The following PLCD3 variants were observed in gnomAD, a reference collection of about 807,000 sequenced individuals.
The protein encoded by PLCD3 is 1-phosphatidylinositol 4,5-bisphosphate phosphodiesterase delta-3.
Under a neutral mutation model 82.8 loss-of-function variants are expected in PLCD3, and 62 were observed. That is an observed-to-expected ratio of 0.75 (90% CI 0.61 to 0.93). PLCD3 has a LOEUF of 0.93. Ranked by LOEUF, PLCD3 falls within the 40% of genes least tolerant of loss-of-function variation. The probability of loss-of-function intolerance (pLI) is 0.00; values close to 1 mark genes in which losing one functional copy is unlikely to be tolerated. For missense variants in PLCD3, 1,023 were observed against 1,103.4 expected (o/e 0.93, Z 1.03); for synonymous variants, 478 against 471.8 (o/e 1.01, Z -0.17).
chr17:45,120,930 C>T lies in PLCD3; in HGVS notation c.526G>A (p.Ala176Thr), dbSNP rs1337728907. 9 of 1,456,502 alleles carry T rather than the reference C, an allele frequency of 6.2e-6. No individual in the cohort carries two copies. The highest frequency in any genetic ancestry group is 7.2e-6 in the Non-Finnish European group (8 of 1,111,982). 90.2% of individuals were successfully genotyped at this position (1,456,502 alleles called of 1,614,324 possible). ...TCTAGCCGCTCGCGCTGGCTCATGG[C>T]GTCCAGGCGCGCGCGGAGCTTGGTC... ...GLTKLRARLD[A>T]MSQRERLDHW... Residue 176 changes from alanine (A) to threonine (T), a missense_variant, in exon 3 of 15, where the codon GCC becomes ACC. This residue lies in a region of PLCD3 where 448 missense variants were observed against 406.3 expected (regional missense o/e 1.10). Transcript: ENST00000619929.
At chr17:45,115,050 C>T (rs1598027937) in intron 10 of PLCD3, 44 bp downstream of exon 10, 8 of 1,558,844 alleles carry the variant, frequency 5.1e-6, no homozygotes, top group Non-Finnish European at 6.9e-6. Flanking sequence ...TTCAGGAGGT[C>T]TCTCACCCTC....
At position 45,111,400 on chromosome 17, in the gene PLCD3, G is replaced by C. The variant is rs933375316; in HGVS notation, c.*1216C>G. 2.6e-5 allele frequency: 4 copies of C among 152,230 alleles called. No individual in the cohort carries two copies. Among genetic ancestry groups the C allele is most frequent in the African/African-American group, 9.8e-5 (4 of 40,972 alleles). 9.4% of individuals were successfully genotyped at this position (152,230 alleles called of 1,614,324 possible). A position where few individuals can be genotyped will look rare whatever the true frequency, so the allele number is the denominator to read the frequency against. On this transcript the variant is annotated 3_prime_UTR_variant, in exon 15 of 15. Coordinates refer to ENST00000619929, the MANE Select transcript of PLCD3 (RefSeq NM_133373.5). ...TGTGTGTGTGTGTGTGTGTGTGTGT[G>C]TGTTGTGGGGAGGCGCTGACCTGCT... is the stretch of plus-strand genomic sequence containing the variant.
At chr17:45,125,951 A>G (rs961074897) in intron 1 of PLCD3, among the ~76,000 whole-genome samples, 9 of 152,232 alleles carry the variant, frequency 5.9e-5, no homozygotes, top group Non-Finnish European at 1.0e-4. Flanking sequence ...GGCAACAGTA[A>G]TAGTTGCACA....
In PLCD3 at chr17:45,113,525, C is replaced by T. The variant is rs777313442; in HGVS notation, c.1909G>A (p.Val637Ile). ...RFLVNGQCGYVLKPACLRQPD... is the reference protein window; with the variant it reads ...RFLVNGQCGYILKPACLRQPD... ...TGCCGCAGGCAGGCAGGTTTTAGGA[C>T]GTAGCCACACTGCCCATTGACTAGG... Residue 637 changes from valine (V) to isoleucine (I), a missense_variant, in exon 12 of 15, where the codon GTC becomes ATC. This residue lies in a region of PLCD3 where 553 missense variants were observed against 655.7 expected (regional missense o/e 0.84). Transcript: ENST00000619929. 1.7e-5 allele frequency: 27 copies of T among 1,574,676 alleles called. No individual in the cohort carries two copies. Among genetic ancestry groups the T allele is most frequent in the Middle Eastern group, 1.7e-4 (1 of 6,042 alleles).
chr17:45,121,137 G>A lies in PLCD3; in HGVS notation c.326-7C>T, dbSNP rs1355949131. 2 of 1,520,482 alleles carry A rather than the reference G, an allele frequency of 1.3e-6. No individual in the cohort carries two copies. Among genetic ancestry groups the A allele is most frequent in the Admixed American group, 4.1e-5 (2 of 49,268 alleles). 94.2% of individuals were successfully genotyped at this position (1,520,482 alleles called of 1,614,324 possible). On this transcript the variant is annotated splice_polypyrimidine_tract_variant and splice_region_variant and intron_variant, in intron 2 of 14. Coordinates refer to ENST00000619929, the MANE Select transcript of PLCD3 (RefSeq NM_133373.5). ...TCGATGTGCTGCACGAAGACTGAGA[G>A]GAGGGCCGGGTCAGGGCGGAGGACC...
At chr17:45,131,334 C>A (rs867949989) in intron 1 of PLCD3, among the ~76,000 whole-genome samples, 5 of 152,218 alleles carry the variant, frequency 3.3e-5, no homozygotes, top group Non-Finnish European at 7.3e-5. Flanking sequence ...CTACCAATGG[C>A]AGGTCCAACG....
intron 8 of PLCD3, among the ~76,000 whole-genome samples, chr17:45,115,771 AAAG>A (rs1247405617): frequency 7.2e-5 from 11 of 152,370 alleles, no homozygotes; most frequent in Admixed American, 4.6e-4. Flanking sequence ...GACCCTCTTC[AAAG>A]AAGATCTTAC....
chr17:45,121,343 T>C lies in PLCD3; in HGVS notation c.193A>G (p.Met65Val). ...TTGCGGAGCCGGGAGCCCCGCAGCATGGCGCGCACGTCCTCGTCCTCCGTC... is the reference window on the plus strand; with the variant it reads ...TTGCGGAGCCGGGAGCCCCGCAGCACGGCGCGCACGTCCTCGTCCTCCGTC... ...GLTEDEDVRAMLRGSRLRKIR... is the reference protein window; with the variant it reads ...GLTEDEDVRAVLRGSRLRKIR... The change falls in exon 2 of 15, where the codon ATG (methionine) becomes GTG (valine). Residue 65 changes from methionine to valine, a missense_variant. Met to Val is a conservative substitution (Grantham distance 21, BLOSUM62 1). This residue lies in a region of PLCD3 where 448 missense variants were observed against 406.3 expected (regional missense o/e 1.10). Transcript: ENST00000619929. 6.5e-7 allele frequency: 1 copy of C among 1,545,904 alleles called. No individual in the cohort carries two copies. The highest frequency in any genetic ancestry group is 1.2e-5 in the South Asian group (1 of 84,486).
At chr17:45,119,070 G>T (rs753547945) in intron 4 of PLCD3, 27 bp from the exon 5 acceptor site, 11 of 1,559,434 alleles carry the variant, frequency 7.1e-6, no homozygotes, top group East Asian at 4.7e-5. Context: ...GAAGCTCAGA[G>T]GAGGCAGACA....
At chr17:45,126,398 G>T (rs377000375) in intron 1 of PLCD3, among the ~76,000 whole-genome samples, 2 of 124,720 alleles carry the variant, frequency 1.6e-5, no homozygotes, top group Admixed American at 1.0e-4. Flanking sequence ...CTGTTGCCCA[G>T]GCTGGAGTGC....
chr17:45,132,412 G>C lies in PLCD3; in HGVS notation c.-2C>G. The C allele has an allele frequency of 8.2e-7, 1 of 1,215,814 alleles. No homozygotes were observed. The highest frequency in any genetic ancestry group is 1.0e-6 in the Non-Finnish European group (1 of 977,790). The allele number at this position is 1,215,814 out of a possible 1,614,324, so 75.3% of individuals were successfully genotyped here. ...ACGCCTCCAGCGGCCGCACAGCATG[G>C]CTTGGCGGGGGGCCGGGGCCGGGCC... On this transcript the variant is annotated 5_prime_UTR_variant, in exon 1 of 15. Coordinates refer to ENST00000619929, the MANE Select transcript of PLCD3 (RefSeq NM_133373.5). The surrounding 1 kb of genome is among the most constrained non-coding windows in gnomAD (Gnocchi z 4.6).
At chr17:45,117,290 C>CG (rs2054298863) in intron 7 of PLCD3, among the ~76,000 whole-genome samples, 1 of 152,088 alleles carries the variant, frequency 6.6e-6, no homozygotes, top group African/African-American at 2.4e-5. Flanking sequence ...CTCCATCACC[C>CG]AGGCTGAAGT....
In PLCD3 at chr17:45,111,831, C is replaced by T. The variant is rs146108297; in HGVS notation, c.*785G>A. 2.9e-3 allele frequency: 437 copies of T among 152,504 alleles called. 11 individuals carry two copies. In the East Asian group the frequency reaches 0.045, roughly 16 times the overall value. 9.4% of individuals were successfully genotyped at this position (152,504 alleles called of 1,614,324 possible). On this transcript the variant is annotated 3_prime_UTR_variant, in exon 15 of 15. Transcript: ENST00000619929. ...CTTGAGGTCAGGAGCTCGAGACCAGCCTGGGCAACATAGGGAGACCCCCGC... is the reference window on the plus strand; with the variant it reads ...CTTGAGGTCAGGAGCTCGAGACCAGTCTGGGCAACATAGGGAGACCCCCGC...
intron 1 of PLCD3, among the ~76,000 whole-genome samples, chr17:45,122,939 G>C (rs1483302241): frequency 1.3e-5 from 2 of 152,106 alleles, no homozygotes; most frequent in Non-Finnish European, 2.9e-5. Context: ...AGTTTCCAGA[G>C]AACCGAATAT....
At chr17:45,128,364 C>T (rs1031885157) in intron 1 of PLCD3, among the ~76,000 whole-genome samples, 4 of 152,230 alleles carry the variant, frequency 2.6e-5, no homozygotes, top group Non-Finnish European at 5.9e-5. Context: ...AGGGGGACCA[C>T]AGGGCCTGGC....
chr17:45,116,005 C>A (rs903314828), intron 8 of PLCD3, among the ~76,000 whole-genome samples: 1 of 152,190 alleles, frequency 6.6e-6, no homozygotes, highest in African/African-American at 2.4e-5. Context: ...TTTTCTTTTA[C>A]CATACGGGTG....
chr17:45,118,967 G>A lies in PLCD3; in HGVS notation c.761C>T (p.Pro254Leu), dbSNP rs767261101. The change falls in exon 5 of 15, where the codon CCG (proline) becomes CTG (leucine). Residue 254 changes from proline (P) to leucine (L), a missense_variant. This residue lies in a region of PLCD3 where 448 missense variants were observed against 406.3 expected (regional missense o/e 1.10). Transcript: ENST00000619929. This position sits in a 1 kb window ranked among gnomAD's most constrained non-coding sequence, Gnocchi z 4.1. Reference sequence around the variant, plus strand: ...CTGATGGAAGATCTCCTCCAGCTCCGGCCGCTTCAGCAGCCGCCGCAGGAA... The same window carrying A: ...CTGATGGAAGATCTCCTCCAGCTCCAGCCGCTTCAGCAGCCGCCGCAGGAA... ...EEFLRRLLKRPELEEIFHQYS... is the reference protein window; with the variant it reads ...EEFLRRLLKRLELEEIFHQYS... The A allele has an allele frequency of 3.3e-5, 53 of 1,611,912 alleles. No homozygotes were observed. Among genetic ancestry groups the A allele is most frequent in the Non-Finnish European group, 4.5e-5 (53 of 1,179,562 alleles).
At position 45,113,156 on chromosome 17, in the gene PLCD3, A is replaced by C. The variant is rs1205245047; in HGVS notation, c.2097T>G (p.Cys699Trp). The C allele has an allele frequency of 6.2e-7, 1 of 1,613,158 alleles. No homozygotes were observed. The highest frequency in any genetic ancestry group is 8.5e-7 in the Non-Finnish European group (1 of 1,179,664). Residue 699 changes from cysteine to tryptophan, a missense_variant, in exon 13 of 15, where the codon TGT becomes TGG. Around this residue, in one of 3 missense-constraint regions of PLCD3, gnomAD observed 553 missense variants for 655.7 expected, o/e 0.84. Coordinates refer to ENST00000619929, the MANE Select transcript of PLCD3 (RefSeq NM_133373.5). ...RIEIHGVPAD[C>W]ARQETDYVLN... ...GCACGTAGTCAGTCTCCTGCCGGGC[A>C]CAGTCTGCGGGCACCCCATGGATCT...
intron 8 of PLCD3, among the ~76,000 whole-genome samples, chr17:45,116,093 T>C (rs1239523623): frequency 6.6e-6 from 1 of 152,066 alleles, no homozygotes; most frequent in Non-Finnish European, 1.5e-5. Flanking sequence ...TGTTGGGGAT[T>C]GGAAGTAGGA....
Sources: allele counts gnomAD v4.1 joint callset (sites outside exome capture counted in the v4.1 genomes callset), GRCh38; gene constraint gnomAD v4.1.1; regional missense constraint gnomAD v4.1.1; non-coding constraint Gnocchi (gnomAD v3.1); transcripts MANE v1.5; gene names NCBI Gene and HGNC (gene_info 2026-07-23, HGNC 2026-07-21).